ZC3HAV1: variants seen among roughly 807,000 people sequenced by gnomAD.
ZC3HAV1 encodes zinc finger CCCH-type containing, antiviral 1.
In ZC3HAV1, 41 loss-of-function variants were observed where a neutral mutation model predicts 86.6. The ratio of observed to expected loss-of-function variants is 0.47; its 90% CI spans 0.37 to 0.61. The LOEUF is 0.61. Ranked by LOEUF, ZC3HAV1 falls within the 20% of genes least tolerant of loss-of-function variation. The pLI, the probability that ZC3HAV1 is intolerant of heterozygous loss-of-function variation, is 0.00. For missense variants in ZC3HAV1, 964 were observed against 1,141.1 expected (o/e 0.84, Z 2.24); for synonymous variants, 421 against 432.1 (o/e 0.97, Z 0.32).
chr7:139,056,301 C>A (rs1488171259), intron 9 of ZC3HAV1, among the ~76,000 whole-genome samples: 2 of 151,980 alleles, frequency 1.3e-5, no homozygotes, highest in African/African-American at 4.8e-5. Context: ...TAAGCATCAG[C>A]CAGCATGCCA....
At chr7:139,080,382 G>A (rs1479477883) in intron 3 of ZC3HAV1, 139 bp from the exon 4 acceptor site, 21 of 1,093,080 alleles carry the variant, frequency 1.9e-5, no homozygotes, top group Non-Finnish European at 2.5e-5. Context: ...GTAATCTGAT[G>A]TGTAAAAATC....
In ZC3HAV1 at chr7:139,044,782, A is replaced by G. The variant is rs979288248; in HGVS notation, c.*2812T>C. The G allele has an allele frequency of 7.9e-6, 1 of 126,634 alleles. No individual in the cohort carries two copies. The highest frequency in any genetic ancestry group is 2.8e-5 in the African/African-American group (1 of 35,190). The allele number at this position is 126,634 out of a possible 1,614,324, so 7.8% of individuals were successfully genotyped here. On this transcript the variant is annotated 3_prime_UTR_variant, in exon 13 of 13. Coordinates refer to ENST00000242351, the MANE Select transcript of ZC3HAV1 (RefSeq NM_020119.4). ...CTCACTAGACATTCATGTATGACCT[A>G]TAGCTCGTCTGCAAGAATATATCCT...
chr7:139,053,926 C>T (rs777360704), intron 11 of ZC3HAV1, 39 bp downstream of exon 11: 37 of 1,585,404 alleles, frequency 2.3e-5, no homozygotes, highest in South Asian at 8.3e-5. Context: ...TAATCCTTTC[C>T]GGTTTTATGT....
chr7:139,100,525 C>T (rs1584873839), intron 1 of ZC3HAV1, among the ~76,000 whole-genome samples: 1 of 151,554 alleles, frequency 6.6e-6, no homozygotes, highest in East Asian at 2.0e-4. Context: ...CAGACCGAGG[C>T]TCTGTCTCAA....
Position 139,065,128 on chromosome 7 carries a change from G to T in ZC3HAV1, c.1873-129C>A, listed in dbSNP as rs1584847094. 7 of 1,250,712 alleles carry T rather than the reference G, an allele frequency of 5.6e-6. No homozygotes were observed. In the Admixed American group the frequency reaches 1.4e-4, roughly 25 times the overall value. 77.5% of individuals were successfully genotyped at this position (1,250,712 alleles called of 1,614,324 possible). On this transcript the variant is annotated intron_variant, in intron 7 of 12. Transcript: ENST00000242351. ...TTGCTTCCCAAACCAGATTGTAAAAGCTTCCAGCTCAGGGCTATGTCACAG... is the reference window on the plus strand; with the variant it reads ...TTGCTTCCCAAACCAGATTGTAAAATCTTCCAGCTCAGGGCTATGTCACAG...
rs550965949 is a variant in ZC3HAV1 at position 139,096,051 on chromosome 7, G to T, written c.309-6292C>A. 4.5e-4 allele frequency among the ~76,000 whole-genome samples: 69 copies of T among 152,206 alleles called. 1 individual carries two copies. The highest frequency in any genetic ancestry group is 1.6e-3 in the African/African-American group (65 of 41,528). ...TTTTTTGAGACGGAGTTCCAGTCTT[G>T]TTGCTCAGGCTGGAGTGCAATGGCG... On this transcript the variant is annotated intron_variant, in intron 1 of 12. Coordinates refer to ENST00000242351, the MANE Select transcript of ZC3HAV1 (RefSeq NM_020119.4).
chr7:139,050,443 C>CTTTCTTG (rs1816090312), intron 12 of ZC3HAV1, among the ~76,000 whole-genome samples: 1 of 152,180 alleles, frequency 6.6e-6, no homozygotes, highest in African/African-American at 2.4e-5. Flanking sequence ...TCTCAGCTCA[C>CTTTCTTG]TGCAGCCTCC....
At chr7:139,068,559 T>A (rs1584849776) in intron 7 of ZC3HAV1, among the ~76,000 whole-genome samples, 1 of 152,356 alleles carries the variant, frequency 6.6e-6, no homozygotes, top group East Asian at 1.9e-4. Flanking sequence ...ACAGTGACCA[T>A]GGAACTGATT....
chr7:139,051,984 T>A (rs1264534311), intron 12 of ZC3HAV1, among the ~76,000 whole-genome samples: 1 of 152,202 alleles, frequency 6.6e-6, no homozygotes, highest in Non-Finnish European at 1.5e-5. Context: ...TTTGTTTTTT[T>A]AATTTTCTAG....
intron 6 of ZC3HAV1, among the ~76,000 whole-genome samples, chr7:139,075,324 C>T (rs2130699519): frequency 6.6e-6 from 1 of 152,312 alleles, no homozygotes; most frequent in Admixed American, 6.5e-5. Flanking sequence ...ACTTTTCCCC[C>T]TTAAGAATTT....
At position 139,058,454 on chromosome 7, in the gene ZC3HAV1, C is replaced by A. The variant is rs1009664880; in HGVS notation, c.2096+2582G>T. 1.4e-3 allele frequency among the ~76,000 whole-genome samples: 120 copies of A among 87,440 alleles called. No individual in the cohort carries two copies. The East Asian group carries it at 0.016, about 12-fold the overall frequency. The allele number at this position is 87,440 out of a possible 152,430, so 57.4% of individuals were successfully genotyped here. A position where few individuals can be genotyped will look rare whatever the true frequency, so the allele number is the denominator to read the frequency against. The stretch of plus-strand genomic sequence containing the variant: ...CCTAACCCCCAACCCCCCCCCCCCC[C>A]ACAAAAAAACACCAAAATATTTCAA... On this transcript the variant is annotated intron_variant, in intron 9 of 12. Transcript: ENST00000242351.
chr7:139,097,428 A>ATATATTTTTTTT, intron 1 of ZC3HAV1, among the ~76,000 whole-genome samples: 1 of 48,158 alleles, frequency 2.1e-5, no homozygotes, highest in African/African-American at 1.1e-4. Flanking sequence ...ATATATATAT[A>ATATATTTTTTTT]TTTTTTTTTT....
Position 139,109,454 on chromosome 7 carries a change from C to T in ZC3HAV1, c.-123G>A. 1 of 1,247,620 alleles carries T rather than the reference C, an allele frequency of 8.0e-7. No homozygotes were observed. The highest frequency in any genetic ancestry group is 1.1e-6 in the Non-Finnish European group (1 of 933,262). 77.3% of individuals were successfully genotyped at this position (1,247,620 alleles called of 1,614,324 possible). A position where few individuals can be genotyped will look rare whatever the true frequency, so the allele number is the denominator to read the frequency against. ...TGCTACTGCTGGGCGCGCCCGGAGT[C>T]AGCGAGGGCGCGCTCTCCGTCGCCG... On this transcript the variant is annotated 5_prime_UTR_variant, in exon 1 of 13. Transcript: ENST00000242351.
At chr7:139,078,431 A>G in intron 5 of ZC3HAV1, 121 bp downstream of exon 5, 1 of 719,390 alleles carries the variant, frequency 1.4e-6, no homozygotes, top group Non-Finnish European at 2.3e-6. Context: ...ACTTCTGGGT[A>G]TATATCCAAA....
chr7:139,094,389 A>C lies in ZC3HAV1; in HGVS notation c.309-4630T>G, dbSNP rs550801192. On this transcript the variant is annotated intron_variant, in intron 1 of 12. Transcript: ENST00000242351. ...CAGTACAAAAAGAGCTCTCCTACTAATTATTATGAATTTCCCAGGACAAAA... is the reference window on the plus strand; with the variant it reads ...CAGTACAAAAAGAGCTCTCCTACTACTTATTATGAATTTCCCAGGACAAAA... Among the ~76,000 whole-genome samples, 63 of 151,910 alleles carry C rather than the reference A, an allele frequency of 4.1e-4. 1 individual carries two copies. Among genetic ancestry groups the C allele is most frequent in the African/African-American group, 1.4e-3 (58 of 41,402 alleles).
At chr7:139,053,827 G>A (rs1432118785) in intron 11 of ZC3HAV1, 138 bp downstream of exon 11, 153 of 819,084 alleles carry the variant, frequency 1.9e-4, no homozygotes, top group African/African-American at 7.2e-4. Context: ...TTGATAGAAT[G>A]AAAAAAAAAA....
intron 12 of ZC3HAV1, among the ~76,000 whole-genome samples, chr7:139,050,378 T>C (rs911296820): frequency 6.6e-6 from 1 of 152,214 alleles, no homozygotes; most frequent in Admixed American, 6.5e-5. Flanking sequence ...TTTATTTTTT[T>C]CTTTTTTGAG....
chr7:139,070,643 G>C (rs34855400), intron 7 of ZC3HAV1, among the ~76,000 whole-genome samples: 6 of 127,824 alleles, frequency 4.7e-5, no homozygotes, highest in Non-Finnish European at 7.8e-5. Flanking sequence ...CAGCCTGGGC[G>C]ACAGAGCGAG....
Position 139,064,900 on chromosome 7 carries a change from T to C in ZC3HAV1, c.1972A>G (p.Asn658Asp), listed in dbSNP as rs769290137. 7 of 1,614,022 alleles carry C rather than the reference T, an allele frequency of 4.3e-6. No homozygotes were observed. The African/African-American group carries it at 6.7e-5, about 15-fold the overall frequency. Residue 658 changes from asparagine (N) to aspartate (D), a missense_variant, in exon 8 of 13, where the codon AAC becomes GAC. Physicochemically the swap from Asn to Asp is conservative, Grantham distance 23. Coordinates refer to ENST00000242351, the MANE Select transcript of ZC3HAV1 (RefSeq NM_020119.4). Reference protein sequence around the residue: ...GVVPFQAGSRNYELSFQGMIQ... With the variant: ...GVVPFQAGSRDYELSFQGMIQ... ...CCACCTTGGAAACTCAGCTCATAGT[T>C]CCGTGAGCCCGCCTGAAATGGCACA...
Sources: allele counts gnomAD v4.1 joint callset (sites outside exome capture counted in the v4.1 genomes callset), GRCh38; gene constraint gnomAD v4.1.1; transcripts MANE v1.5; gene names NCBI Gene and HGNC (gene_info 2026-07-23, HGNC 2026-07-21).